The following ITGA2 variants were observed in gnomAD, a reference collection of about 807,000 sequenced individuals.
The protein encoded by ITGA2 is integrin alpha-2.
A neutral mutation model predicts 146.3 loss-of-function variants in ITGA2; 101 were observed. That is an observed-to-expected ratio of 0.69 (90% CI 0.59 to 0.81). The LOEUF is 0.81. ITGA2 is among the 40% of genes least tolerant of loss of function. The pLI, the probability that ITGA2 is intolerant of heterozygous loss-of-function variation, is 0.00. For missense variants in ITGA2, 1,281 were observed against 1,402.7 expected, an observed-to-expected ratio of 0.91 and a Z score of 1.39; for synonymous variants, 477 against 487.1, an observed-to-expected ratio of 0.98 and a Z score of 0.27.
rs1833558 is a variant in ITGA2 at position 53,051,731 on chromosome 5, G to A, written c.779+172G>A. 0.37 allele frequency among the ~76,000 whole-genome samples: 55,507 copies of A among 151,946 alleles called. 10,285 individuals are homozygous for A. The highest frequency in any genetic ancestry group is 0.43 in the Admixed American group (6,516 of 15,250). Reference sequence around the variant, plus strand: ...GAGCATTCTATGTCTTGAATACTTTGAGAAGGCAGCTGGGAAAGTTAAATC... The same window carrying A: ...GAGCATTCTATGTCTTGAATACTTTAAGAAGGCAGCTGGGAAAGTTAAATC... On this transcript the variant is annotated intron_variant, in intron 7 of 29. Coordinates refer to ENST00000296585, the MANE Select transcript of ITGA2 (RefSeq NM_002203.4).
At chr5:53,022,005 T>C (rs761412252) in intron 1 of ITGA2, among the ~76,000 whole-genome samples, 18 of 152,200 alleles carry the variant, frequency 1.2e-4, no homozygotes, top group Non-Finnish European at 2.1e-4. Context: ...TGCTCAAATT[T>C]GCATTGACCA....
intron 1 of ITGA2, among the ~76,000 whole-genome samples, chr5:53,018,403 C>T (rs1742503803): frequency 6.6e-6 from 1 of 152,130 alleles, no homozygotes. Flanking sequence ...GAGCAGGCCA[C>T]TCCTCACCTG....
At chr5:53,053,932 C>G (rs1486033092) in intron 7 of ITGA2, among the ~76,000 whole-genome samples, 1 of 152,130 alleles carries the variant, frequency 6.6e-6, no homozygotes, top group Non-Finnish European at 1.5e-5. Flanking sequence ...GACACAGTTT[C>G]TGTCCTCAAA....
At chr5:53,006,328 G>A (rs1344999577) in intron 1 of ITGA2, among the ~76,000 whole-genome samples, 1 of 152,068 alleles carries the variant, frequency 6.6e-6, no homozygotes, top group East Asian at 1.9e-4. Flanking sequence ...CTTCTTTTTA[G>A]GGTTCTCCTA....
intron 1 of ITGA2, among the ~76,000 whole-genome samples, chr5:53,005,962 A>G (rs1000250883): frequency 1.3e-5 from 2 of 152,156 alleles, no homozygotes; most frequent in African/African-American, 4.8e-5. Flanking sequence ...TAACACAGAA[A>G]CAGAAAACCA....
At chr5:53,029,521 CT>C (rs1223977750) in intron 2 of ITGA2, among the ~76,000 whole-genome samples, 3 of 152,292 alleles carry the variant, frequency 2.0e-5, no homozygotes, top group East Asian at 1.9e-4. Flanking sequence ...TGGTTTTCAT[CT>C]TTCAGTCTCA....
intron 1 of ITGA2, among the ~76,000 whole-genome samples, chr5:53,014,698 G>A (rs1244193667): frequency 6.6e-6 from 1 of 152,070 alleles, no homozygotes. Flanking sequence ...TATACATCTG[G>A]TAAAATTCAG....
At chr5:53,029,487 T>C (rs1421158527) in intron 2 of ITGA2, among the ~76,000 whole-genome samples, 1 of 152,034 alleles carries the variant, frequency 6.6e-6, no homozygotes, top group Admixed American at 6.6e-5. Flanking sequence ...CCTGGAAGAG[T>C]CTTCCCTAAG....
At chr5:53,011,083 C>T (rs1742101143) in intron 1 of ITGA2, among the ~76,000 whole-genome samples, 1 of 152,126 alleles carries the variant, frequency 6.6e-6, no homozygotes, top group Admixed American at 6.5e-5. Context: ...GCCCTGCCAA[C>T]ACCTTGATTT....
At chr5:53,049,092 A>G (rs1302562847) in intron 6 of ITGA2, among the ~76,000 whole-genome samples, 2 of 151,620 alleles carry the variant, frequency 1.3e-5, no homozygotes, top group Non-Finnish European at 2.9e-5. Flanking sequence ...GCTCACTGCA[A>G]CCTCTGCCTC....
intron 1 of ITGA2, among the ~76,000 whole-genome samples, chr5:53,013,794 A>C (rs1219564389): frequency 6.6e-6 from 1 of 151,934 alleles, no homozygotes; most frequent in Non-Finnish European, 1.5e-5. Context: ...GAAGTGTTTT[A>C]TCAGTCTCTG....
At chr5:53,034,878 G>C (rs895597464) in intron 2 of ITGA2, among the ~76,000 whole-genome samples, 1 of 152,122 alleles carries the variant, frequency 6.6e-6, no homozygotes, top group African/African-American at 2.4e-5. Context: ...AGAGTTCTAA[G>C]GGAACTTAAT....
intron 1 of ITGA2, among the ~76,000 whole-genome samples, chr5:53,017,764 G>T (rs776338033): frequency 1.3e-5 from 2 of 152,134 alleles, no homozygotes; most frequent in Non-Finnish European, 2.9e-5. Context: ...ATCAGCTGGG[G>T]GTATGGTAGG....
chr5:53,023,162 C>T (rs1742771816), intron 1 of ITGA2, among the ~76,000 whole-genome samples: 1 of 152,174 alleles, frequency 6.6e-6, no homozygotes, highest in Non-Finnish European at 1.5e-5. Context: ...ATAATAGGCT[C>T]CTGGCAAAGC....
In ITGA2 at chr5:53,093,826, G is replaced by A. The variant is rs1054210610; in HGVS notation, c.*3227G>A. 6.6e-6 allele frequency: 1 copy of A among 152,614 alleles called. No homozygotes were observed. Among genetic ancestry groups the A allele is most frequent in the Admixed American group, 6.5e-5 (1 of 15,276 alleles). 9.5% of individuals were successfully genotyped at this position (152,614 alleles called of 1,614,324 possible). A position where few individuals can be genotyped will look rare whatever the true frequency, so the allele number is the denominator to read the frequency against. ...ACTGCAACACAAGGCTTATAAAATA[G>A]TAAGATAGTAAAATAGCTTATGAAG... On this transcript the variant is annotated 3_prime_UTR_variant, in exon 30 of 30. Coordinates refer to ENST00000296585, the MANE Select transcript of ITGA2 (RefSeq NM_002203.4).
intron 1 of ITGA2, 27 bp from the exon 2 acceptor site, chr5:53,026,721 T>C (rs1426986541): frequency 6.3e-6 from 10 of 1,587,260 alleles, no homozygotes; most frequent in East Asian, 4.5e-5. Context: ...ATTGTAAATA[T>C]GTGCTATTTC....
intron 6 of ITGA2, among the ~76,000 whole-genome samples, chr5:53,051,080 T>C (rs906493593): frequency 6.6e-6 from 1 of 152,210 alleles, no homozygotes; most frequent in Non-Finnish European, 1.5e-5. Context: ...AAGTTTAATC[T>C]TCCTGTTAAA....
chr5:53,019,178 T>C (rs989360812), intron 1 of ITGA2, among the ~76,000 whole-genome samples: 1 of 152,148 alleles, frequency 6.6e-6, no homozygotes, highest in African/African-American at 2.4e-5. Context: ...AGTTGAATTA[T>C]TTAAAAATGA....
intron 10 of ITGA2, among the ~76,000 whole-genome samples, chr5:53,059,459 T>A (rs2111957200): frequency 6.6e-6 from 1 of 152,090 alleles, no homozygotes; most frequent in Admixed American, 6.6e-5. Flanking sequence ...TCAGTACTTC[T>A]GTTTCTCAAG....
Sources: gnomAD v4.1 joint callset for allele counts (sites outside exome capture counted in the v4.1 genomes callset) on GRCh38, gnomAD v4.1.1 for gene constraint, MANE v1.5 for transcripts, NCBI Gene and HGNC (gene_info 2026-07-23, HGNC 2026-07-21) for gene names.